Variants in MTX2 observed in about 807,000 individuals in gnomAD.
MTX2 encodes metaxin 2.
In MTX2, 35 loss-of-function variants were observed where a neutral mutation model predicts 42.3. The observed-to-expected ratio is 0.83, with a 90% CI of 0.63 to 1.10. The LOEUF (loss-of-function observed/expected upper bound fraction) is 1.10, where lower values mean the gene tolerates loss of function less well. Ranked by LOEUF, MTX2 falls within the 50% of genes least tolerant of loss-of-function variation. MTX2 has a pLI of 0.00. For missense variants in MTX2, 307 were observed against 304.1 expected, an observed-to-expected ratio of 1.01 and a Z score of -0.07; for synonymous variants, 119 against 100.9, an observed-to-expected ratio of 1.18 and a Z score of -1.08.
chr2:176,293,423 C>A (rs1693369326), intron 1 of MTX2, among the ~76,000 whole-genome samples: 1 of 152,166 alleles, frequency 6.6e-6, no homozygotes, highest in African/African-American at 2.4e-5. Context: ...CCCTGCAAAT[C>A]TCCTGTTGAA....
At chr2:176,309,486 G>A (rs1684239464) in intron 3 of MTX2, among the ~76,000 whole-genome samples, 1 of 152,184 alleles carries the variant, frequency 6.6e-6, no homozygotes, top group Admixed American at 6.5e-5. Context: ...GATATTGACA[G>A]TGGGGTGTTA....
chr2:176,278,612 C>A (rs1032550601), intron 1 of MTX2, among the ~76,000 whole-genome samples: 1 of 152,080 alleles, frequency 6.6e-6, no homozygotes, highest in East Asian at 1.9e-4. Context: ...AACGTTAGCC[C>A]AAGCTTGCCA....
intron 1 of MTX2, 26 bp downstream of exon 1, chr2:176,269,695 A>AAGGT (rs1402895038): frequency 1.1e-5 from 18 of 1,584,592 alleles, no homozygotes; most frequent in Non-Finnish European, 1.5e-5. Context: ...GCAGACCCAG[A>AAGGT]AGGTGGCGGC....
intron 7 of MTX2, 48 bp downstream of exon 7, chr2:176,328,960 C>T (rs1372902147): frequency 8.1e-6 from 12 of 1,486,522 alleles, no homozygotes; most frequent in Middle Eastern, 2.0e-4. Flanking sequence ...AATGAGAAAA[C>T]ACTTTTGCTC....
At chr2:176,287,508 A>G (rs1693233434) in intron 1 of MTX2, among the ~76,000 whole-genome samples, 1 of 152,206 alleles carries the variant, frequency 6.6e-6, no homozygotes, top group African/African-American at 2.4e-5. Flanking sequence ...TATATAATGC[A>G]GATATTCCAA....
intron 4 of MTX2, among the ~76,000 whole-genome samples, chr2:176,325,130 C>T (rs1360044932): frequency 6.6e-6 from 1 of 151,560 alleles, no homozygotes. Context: ...ATAAGGTAGC[C>T]GGATTAGATG....
chr2:176,269,657 TC>T lies in MTX2; in HGVS notation c.31del (p.Gln11ArgfsTer18). The T allele has an allele frequency of 1.9e-6, 3 of 1,597,784 alleles. No homozygotes were observed. The highest frequency in any genetic ancestry group is 1.7e-6 in the Non-Finnish European group (2 of 1,174,904). On this transcript the variant is annotated frameshift_variant, in exon 1 of 10. Transcript: ENST00000249442. LOFTEE classifies it high-confidence loss of function. Reference sequence around the variant, plus strand: ...GTCTCTAGTGGCGGAAGCCTTCGTCTCCCAGATTGCAGGTAGCGCGGCTGGC... The same window carrying T: ...GTCTCTAGTGGCGGAAGCCTTCGTCTCCAGATTGCAGGTAGCGCGGCTGGC... MSLVAEAFV[S>X]QIAAAEPWPE...
intron 3 of MTX2, among the ~76,000 whole-genome samples, chr2:176,305,930 A>G (rs964620279): frequency 6.6e-6 from 1 of 152,032 alleles, no homozygotes; most frequent in Non-Finnish European, 1.5e-5. Flanking sequence ...ATTATTTTTT[A>G]TACTTTAAGT....
At chr2:176,275,659 C>T (rs114299671) in intron 1 of MTX2, among the ~76,000 whole-genome samples, 1,619 of 152,058 alleles carry the variant, frequency 0.011, 23 homozygotes, top group African/African-American at 0.036. Flanking sequence ...ACATTACTCA[C>T]ATTTTGTTTT....
rs1693011794 is a variant in MTX2, at chr2:176,278,843, T to C, written c.40+9174T>C. Among the ~76,000 whole-genome samples the C allele has an allele frequency of 2.0e-5, 3 of 152,144 alleles. No homozygotes were observed. The South Asian group carries it at 6.2e-4, about 32-fold the overall frequency. On this transcript the variant is annotated intron_variant, in intron 1 of 9. Coordinates refer to ENST00000249442, the MANE Select transcript of MTX2 (RefSeq NM_006554.5). ...TATATAGAAGTATTTGCCTTGCCAG[T>C]AAAAGGGATGCATGCTTTAATTTTT...
intron 8 of MTX2, among the ~76,000 whole-genome samples, chr2:176,329,891 GTCTATCTATCTGTCTA>G (rs1684815114): frequency 6.7e-6 from 1 of 149,690 alleles, no homozygotes; most frequent in African/African-American, 2.4e-5. Flanking sequence ...CCGTCTGTCT[GTCTATCTATCTGTCTA>G]TCTGTCTATC....
At chr2:176,308,438 C>T (rs1389861335) in intron 3 of MTX2, among the ~76,000 whole-genome samples, 1 of 150,168 alleles carries the variant, frequency 6.7e-6, no homozygotes, top group Non-Finnish European at 1.5e-5. Flanking sequence ...GGGAGGATTC[C>T]CTGTTTGGAA....
At chr2:176,277,128 T>C (rs1692968621) in intron 1 of MTX2, among the ~76,000 whole-genome samples, 1 of 152,186 alleles carries the variant, frequency 6.6e-6, no homozygotes. Flanking sequence ...TTAAAACAGG[T>C]ATGTTTTTAA....
chr2:176,302,498 G>A (rs1159525138), intron 3 of MTX2, among the ~76,000 whole-genome samples: 7 of 151,960 alleles, frequency 4.6e-5, no homozygotes, highest in African/African-American at 1.5e-4. Context: ...GTGCAGTGGC[G>A]TGATCTTGGC....
intron 1 of MTX2, among the ~76,000 whole-genome samples, chr2:176,280,756 A>G (rs1008585172): frequency 6.6e-6 from 1 of 152,246 alleles, no homozygotes; most frequent in Non-Finnish European, 1.5e-5. Context: ...CGCACGTAGC[A>G]GTATACTTAA....
At chr2:176,317,800 C>T (rs749379503) in intron 3 of MTX2, among the ~76,000 whole-genome samples, 14 of 152,098 alleles carry the variant, frequency 9.2e-5, no homozygotes, top group Non-Finnish European at 2.1e-4. Context: ...GTTTGGGTCC[C>T]TCTAGCTCAG....
chr2:176,303,892 G>A (rs1286132268), intron 3 of MTX2, among the ~76,000 whole-genome samples: 1 of 151,964 alleles, frequency 6.6e-6, no homozygotes, highest in Non-Finnish European at 1.5e-5. Flanking sequence ...CTGTAGTTCT[G>A]AGAGATTGCA....
chr2:176,328,365 A>AGC lies in MTX2; in HGVS notation c.358_359insGC (p.Asn120SerfsTer5). 6.3e-7 allele frequency: 1 copy of AGC among 1,582,106 alleles called. No individual in the cohort carries two copies. The highest frequency in any genetic ancestry group is 1.2e-5 in the South Asian group (1 of 85,468). ...GAAAGCTTACATGGAATTAGTCAACAATATGCTGTTGACTGCAGAGGTAAA... is the reference window on the plus strand; with the variant it reads ...GAAAGCTTACATGGAATTAGTCAACAGCATATGCTGTTGACTGCAGAGGTAAA... On this transcript the variant is annotated frameshift_variant, in exon 6 of 10. Coordinates refer to ENST00000249442, the MANE Select transcript of MTX2 (RefSeq NM_006554.5). LOFTEE classifies it high-confidence loss of function.
intron 1 of MTX2, among the ~76,000 whole-genome samples, chr2:176,287,103 T>C (rs183305888): frequency 6.6e-5 from 10 of 152,298 alleles, no homozygotes; most frequent in East Asian, 5.8e-4. Context: ...ACTTCAGTGT[T>C]TTTAACTTCA....
Sources: allele counts gnomAD v4.1 joint callset (sites outside exome capture counted in the v4.1 genomes callset), GRCh38; gene constraint gnomAD v4.1.1; transcripts MANE v1.5; gene names NCBI Gene and HGNC (gene_info 2026-07-23, HGNC 2026-07-21).